The following CCDC158 variants were observed in gnomAD, a reference collection of about 807,000 sequenced individuals.
CCDC158 encodes coiled-coil domain containing 158.
Under a neutral mutation model 138.6 loss-of-function variants are expected in CCDC158, and 116 were observed. That is an observed-to-expected ratio of 0.84 (90% CI 0.72 to 0.98). The LOEUF is 0.98. Among genes scored for constraint, CCDC158 ranks in the 50% least tolerant of loss-of-function variants. The pLI, the probability that CCDC158 is intolerant of heterozygous loss-of-function variation, is 0.00. For missense variants in CCDC158, 1,265 were observed against 1,306.1 expected, an observed-to-expected ratio of 0.97 and a Z score of 0.48; for synonymous variants, 436 against 442.4, an observed-to-expected ratio of 0.99 and a Z score of 0.18.
At chr4:76,338,056 T>G (rs537850467) in intron 18 of CCDC158, among the ~76,000 whole-genome samples, 1 of 152,294 alleles carries the variant, frequency 6.6e-6, no homozygotes, top group Non-Finnish European at 1.5e-5. Flanking sequence ...TCCTGTCAGA[T>G]CAGGGGTGGC....
chr4:76,403,306 T>G, intron 2 of CCDC158, 26 bp from the exon 3 acceptor site: 1 of 752,162 alleles, frequency 1.3e-6, no homozygotes, highest in Non-Finnish European at 2.1e-6. Context: ...ATTCAATCTT[T>G]ATTAACAAGG....
chr4:76,314,696 A>T (rs1719204081), intron 24 of CCDC158, among the ~76,000 whole-genome samples: 1 of 152,120 alleles, frequency 6.6e-6, no homozygotes, highest in Non-Finnish European at 1.5e-5. Context: ...AAGTAGAAGG[A>T]GCAGTGGGAA....
At chr4:76,377,461 G>C (rs532751667) in intron 9 of CCDC158, among the ~76,000 whole-genome samples, 2 of 152,156 alleles carry the variant, frequency 1.3e-5, no homozygotes, top group Non-Finnish European at 2.9e-5. Flanking sequence ...TTCTGCCAGA[G>C]TGCCTACCTC....
At chr4:76,419,651 C>T (rs1284503111) in intron 1 of CCDC158, among the ~76,000 whole-genome samples, 3 of 152,004 alleles carry the variant, frequency 2.0e-5, no homozygotes, top group Admixed American at 6.6e-5. Flanking sequence ...GCCTTCTCTT[C>T]GGCCTATATC....
chr4:76,335,728 G>T lies in CCDC158; in HGVS notation c.2665-1561C>A, dbSNP rs189747211. The stretch of plus-strand genomic sequence containing the variant: ...CCCAGTAGCTGAGGACTACAGGCCT[G>T]CACCACCATGACCAGCTAACTTTTT... On this transcript the variant is annotated intron_variant, in intron 18 of 24. Coordinates refer to ENST00000682701, the MANE Select transcript of CCDC158 (RefSeq NM_001394954.1). Among the ~76,000 whole-genome samples the T allele has an allele frequency of 2.7e-3, 418 of 152,196 alleles. 2 individuals are homozygous for T. Among genetic ancestry groups the T allele is most frequent in the African/African-American group, 9.1e-3 (379 of 41,562 alleles).
intron 24 of CCDC158, among the ~76,000 whole-genome samples, chr4:76,315,132 G>T (rs749803350): frequency 1.3e-5 from 2 of 152,162 alleles, no homozygotes; most frequent in Non-Finnish European, 2.9e-5. Flanking sequence ...CTGTGTGGGA[G>T]CTAGGTAAGG....
Position 76,313,333 on chromosome 4 carries a change from G to A in CCDC158, c.3278-87C>T, listed in dbSNP as rs182423371. On this transcript the variant is annotated intron_variant, in intron 24 of 24. Transcript: ENST00000682701. ...TGCTACTTAAAAGATCAGCTTGATA[G>A]TATAGAATAGACATGTTCTGAGCTC... 1.9e-3 allele frequency: 1,398 copies of A among 720,456 alleles called. 1 individual carries two copies. The highest frequency in any genetic ancestry group is 2.1e-3 in the Non-Finnish European group (922 of 440,296). 44.6% of individuals were successfully genotyped at this position (720,456 alleles called of 1,614,324 possible).
intron 12 of CCDC158, among the ~76,000 whole-genome samples, chr4:76,365,787 AC>A (rs1009217310): frequency 7.2e-5 from 11 of 151,962 alleles, no homozygotes; most frequent in African/African-American, 2.2e-4. Flanking sequence ...CAAATCTCAC[AC>A]CCCATCCTAG....
intron 18 of CCDC158, chr4:76,344,687 T>C: frequency 4.3e-6 from 7 of 1,613,920 alleles, no homozygotes; most frequent in Non-Finnish European, 5.9e-6. Flanking sequence ...GCCCAGAGTT[T>C]TCTGTTACAA....
rs757970057 is a variant in CCDC158 at position 76,383,775 on chromosome 4, T to C, written c.727-37A>G. 5 of 1,425,450 alleles carry C rather than the reference T, an allele frequency of 3.5e-6. No homozygotes were observed. In the African/African-American group the frequency reaches 4.2e-5, roughly 12 times the overall value. 88.3% of individuals were successfully genotyped at this position (1,425,450 alleles called of 1,614,324 possible). On this transcript the variant is annotated intron_variant, in intron 6 of 24. Transcript: ENST00000682701. ...AAAGAGACACTGATTTAGTTACTGG[T>C]AAATATAAGGCTTGGAAAATCTGGA...
Position 76,403,938 on chromosome 4 carries a change from A to G in CCDC158, c.-73-658T>C, listed in dbSNP as rs150082613. ...GAGGTAAGCAGAAGACAGAAAAAGT[A>G]CAGATAAATTCATCCCCAGAGGTGA... is the stretch of plus-strand genomic sequence containing the variant. On this transcript the variant is annotated intron_variant, in intron 2 of 24. Transcript: ENST00000682701. Among the ~76,000 whole-genome samples, 6 of 152,312 alleles carry G rather than the reference A, an allele frequency of 3.9e-5. No homozygotes were observed. In the East Asian group the frequency reaches 1.2e-3, roughly 29 times the overall value.
chr4:76,407,004 G>T (rs938251091), intron 2 of CCDC158, among the ~76,000 whole-genome samples: 4 of 152,032 alleles, frequency 2.6e-5, no homozygotes, highest in Admixed American at 2.0e-4. Context: ...GAAAAACAAT[G>T]AGTCAAATTC....
intron 24 of CCDC158, among the ~76,000 whole-genome samples, chr4:76,317,125 C>T (rs548455628): frequency 2.6e-5 from 4 of 151,654 alleles, no homozygotes; most frequent in Non-Finnish European, 4.4e-5. Context: ...AACAGTATCT[C>T]GTATTTCAAT....
At chr4:76,319,268 T>A (rs62300851) in intron 24 of CCDC158, among the ~76,000 whole-genome samples, 1 of 144,860 alleles carries the variant, frequency 6.9e-6, no homozygotes, top group Non-Finnish European at 1.5e-5. Context: ...CAAGACTCCA[T>A]CTTAAAAAAA....
At chr4:76,402,456 C>G (rs1728480238) in intron 3 of CCDC158, among the ~76,000 whole-genome samples, 1 of 152,216 alleles carries the variant, frequency 6.6e-6, no homozygotes, top group Admixed American at 6.5e-5. Context: ...CTCTAGCTTC[C>G]ATGCCCTTGC....
intron 18 of CCDC158, among the ~76,000 whole-genome samples, chr4:76,346,874 T>C (rs1241173697): frequency 5.9e-5 from 9 of 152,030 alleles, no homozygotes. Flanking sequence ...GTGAAGGATA[T>C]GAACAGACAC....
At chr4:76,417,246 T>A (rs547807687) in intron 1 of CCDC158, among the ~76,000 whole-genome samples, 4 of 152,358 alleles carry the variant, frequency 2.6e-5, no homozygotes, top group African/African-American at 9.6e-5. Context: ...CTATTTAGAA[T>A]GGCTATATGT....
intron 1 of CCDC158, among the ~76,000 whole-genome samples, chr4:76,416,456 A>G (rs757070060): frequency 3.3e-5 from 5 of 152,126 alleles, no homozygotes; most frequent in African/African-American, 4.8e-5. Flanking sequence ...TACAGAGTCT[A>G]ATGTTAATCC....
intron 18 of CCDC158, chr4:76,345,178 A>C (rs1270914106): frequency 3.1e-5 from 31 of 984,536 alleles, no homozygotes; most frequent in Non-Finnish European, 4.8e-5. Context: ...TACCTATTGA[A>C]GGTTGCTGTG....
Sources: gnomAD v4.1 joint callset for allele counts (sites outside exome capture counted in the v4.1 genomes callset) on GRCh38, gnomAD v4.1.1 for gene constraint, MANE v1.5 for transcripts, NCBI Gene and HGNC (gene_info 2026-07-23, HGNC 2026-07-21) for gene names.